The following ANK3 variants were observed in gnomAD, a reference collection of about 807,000 sequenced individuals.
The protein encoded by ANK3 is ankyrin 3, also known as ankyrin-3.
A neutral mutation model predicts 370.9 loss-of-function variants in ANK3; 57 were observed. That is an observed-to-expected ratio of 0.15 (90% CI 0.12 to 0.19). The LOEUF is 0.19. Among genes scored for constraint, ANK3 ranks in the 10% least tolerant of loss-of-function variants. ANK3 has a pLI of 1.00. For synonymous variants in ANK3, 1,929 were observed against 1,946.3 expected (o/e 0.99, Z 0.23); for missense variants, 4,439 against 5,302.1 (o/e 0.84, Z 5.06).
intron 7 of ANK3, among the ~76,000 whole-genome samples, chr10:60,249,637 C>T (rs2097614465): frequency 6.6e-6 from 1 of 152,146 alleles, no homozygotes; most frequent in Admixed American, 6.5e-5. Flanking sequence ...TTTGAAGTTT[C>T]TAAAGAAAGA....
intron 25 of ANK3, among the ~76,000 whole-genome samples, chr10:60,133,007 T>C (rs2094170518): frequency 1.3e-5 from 2 of 152,198 alleles, no homozygotes; most frequent in African/African-American, 4.8e-5. Context: ...AAGAATGTTC[T>C]AGAGAGTAAA....
chr10:60,205,952 G>T (rs1342401830), intron 10 of ANK3, 62 bp from the exon 11 acceptor site: 1 of 1,079,306 alleles, frequency 9.3e-7, no homozygotes, highest in Non-Finnish European at 1.4e-6. Flanking sequence ...GTTTCACTGT[G>T]TGCAGTAAAT....
chr10:60,514,421 A>G (rs1253201707), intron 2 of ANK3, among the ~76,000 whole-genome samples: 6 of 152,110 alleles, frequency 3.9e-5, no homozygotes, highest in South Asian at 2.1e-4. Context: ...GCCCAGGTGA[A>G]CTGGGCTTAG....
chr10:60,033,343 A>G (rs1481586299), intron 43 of ANK3, among the ~76,000 whole-genome samples: 1 of 151,884 alleles, frequency 6.6e-6, no homozygotes, highest in Admixed American at 6.6e-5. Flanking sequence ...GGTGAAACCC[A>G]GCCTCTACTA....
At position 60,028,665 on chromosome 10, in the gene ANK3, T is replaced by C. The variant is rs1020335211; in HGVS notation, c.*1181A>G. ...AAAGGTGTCTACATCTTATAGCCAG[T>C]ACACAATACAGTAATAATTTTACAG... On this transcript the variant is annotated 3_prime_UTR_variant, in exon 44 of 44. Transcript: ENST00000280772. 1 of 152,618 alleles carries C rather than the reference T, an allele frequency of 6.6e-6. No homozygotes were observed. The highest frequency in any genetic ancestry group is 1.5e-5 in the Non-Finnish European group (1 of 68,040). 9.5% of individuals were successfully genotyped at this position (152,618 alleles called of 1,614,324 possible).
At chr10:60,395,565 TTTC>T (rs1348408617) in intron 2 of ANK3, among the ~76,000 whole-genome samples, 3 of 99,480 alleles carry the variant, frequency 3.0e-5, no homozygotes, top group South Asian at 3.3e-4. Flanking sequence ...TCTTTCTTTC[TTTC>T]TTTCTTTCTT....
At chr10:60,539,232 AT>A (rs2076791886) in intron 2 of ANK3, among the ~76,000 whole-genome samples, 1 of 151,970 alleles carries the variant, frequency 6.6e-6, no homozygotes, top group Admixed American at 6.6e-5. Context: ...ATTGTTAGAA[AT>A]TTCATGCATA....
intron 1 of ANK3, among the ~76,000 whole-genome samples, chr10:60,350,591 C>T (rs78075604): frequency 0.18 from 26,879 of 152,190 alleles, 2,957 homozygotes; most frequent in South Asian, 0.29. Flanking sequence ...AAAAATCTAA[C>T]CAAGAGATTC....
upstream of ANK3, among the ~76,000 whole-genome samples, chr10:60,392,098 T>C: frequency 6.6e-6 from 1 of 152,176 alleles, no homozygotes; most frequent in East Asian, 1.9e-4. Context: ...GCTAAATCCC[T>C]TTCTCCCTAC....
intron 2 of ANK3, among the ~76,000 whole-genome samples, chr10:60,524,035 C>T (rs1385693779): frequency 6.6e-6 from 1 of 152,068 alleles, no homozygotes; most frequent in African/African-American, 2.4e-5. Flanking sequence ...CTCTGGTGCT[C>T]TTATACTCAC....
At chr10:60,133,310 T>C (rs2094187968) in intron 25 of ANK3, among the ~76,000 whole-genome samples, 1 of 152,246 alleles carries the variant, frequency 6.6e-6, no homozygotes, top group African/African-American at 2.4e-5. Context: ...ATCACTACTG[T>C]GCATACTTAA....
At chr10:60,637,817 T>C (rs1175088421) in intron 1 of ANK3, among the ~76,000 whole-genome samples, 1 of 152,192 alleles carries the variant, frequency 6.6e-6, no homozygotes, top group African/African-American at 2.4e-5. Context: ...TTAACTGCTA[T>C]AGGAATTTCC....
Position 60,083,573 on chromosome 10 carries a change from C to A in ANK3, c.4119G>T (p.Leu1373Phe). 6.2e-7 allele frequency: 1 copy of A among 1,610,668 alleles called. No individual in the cohort carries two copies. Among genetic ancestry groups the A allele is most frequent in the African/African-American group, 1.3e-5 (1 of 74,914 alleles). ...GCTGTCCTCCTTTGGTAAGTGGGGC[C>A]AAATTTCCATAACAATCAACATAAA... ...KPIYVDCYGN[L>F]APLTKGGQQL... Residue 1373 changes from leucine (L) to phenylalanine (F), a missense_variant, in exon 33 of 44, where the codon TTG (leucine) becomes TTT (phenylalanine). Leu to Phe is a conservative substitution (Grantham distance 22, BLOSUM62 0). Around this residue, in one of 13 missense-constraint regions of ANK3, gnomAD observed 702 missense variants for 941.5 expected, o/e 0.75. Transcript: ENST00000280772.
chr10:60,358,587 C>A (rs781690416), intron 1 of ANK3, among the ~76,000 whole-genome samples: 1 of 152,210 alleles, frequency 6.6e-6, no homozygotes, highest in Non-Finnish European at 1.5e-5. Context: ...ATTCAATACA[C>A]TCACAGATGG....
intron 9 of ANK3, among the ~76,000 whole-genome samples, chr10:60,208,812 A>G (rs2096802814): frequency 6.6e-6 from 1 of 152,196 alleles, no homozygotes; most frequent in Non-Finnish European, 1.5e-5. Flanking sequence ...AATGTAACGC[A>G]TTTCATCTCA....
chr10:60,195,035 A>G (rs115367915), intron 16 of ANK3, among the ~76,000 whole-genome samples: 222 of 152,288 alleles, frequency 1.5e-3, no homozygotes, highest in African/African-American at 5.2e-3. Context: ...TCTAAACATT[A>G]GGTTTAAAGG....
intron 12 of ANK3, among the ~76,000 whole-genome samples, chr10:60,200,577 C>T (rs1047897814): frequency 6.6e-6 from 1 of 152,110 alleles, no homozygotes; most frequent in Non-Finnish European, 1.5e-5. Context: ...AGAGAGCCCA[C>T]ACCTGCGCTG....
intron 7 of ANK3, among the ~76,000 whole-genome samples, chr10:60,240,155 CAT>C (rs10629896): frequency 8.6e-6 from 1 of 116,632 alleles, no homozygotes; most frequent in Admixed American, 9.3e-5. Context: ...CATATATATA[CAT>C]ATATACACAT....
intron 1 of ANK3, among the ~76,000 whole-genome samples, chr10:60,317,841 G>C (rs1312352037): frequency 6.6e-6 from 1 of 151,572 alleles, no homozygotes; most frequent in Non-Finnish European, 1.5e-5. Context: ...AGCCTCCCGA[G>C]TAGCTGGGAA....
Sources: allele counts gnomAD v4.1 joint callset (sites outside exome capture counted in the v4.1 genomes callset), GRCh38; gene constraint gnomAD v4.1.1; regional missense constraint gnomAD v4.1.1; transcripts MANE v1.5; gene names NCBI Gene and HGNC (gene_info 2026-07-23, HGNC 2026-07-21).